L3MBTL4: variants seen among roughly 807,000 people sequenced by gnomAD.
The protein encoded by L3MBTL4 is L3MBTL histone methyl-lysine binding protein 4, also known as lethal(3)malignant brain tumor-like protein 4.
In L3MBTL4, 70 loss-of-function variants were observed where a neutral mutation model predicts 84.5. The observed-to-expected ratio is 0.83, with a 90% CI of 0.68 to 1.01. The LOEUF (loss-of-function observed/expected upper bound fraction) is 1.01. Among genes scored for constraint, L3MBTL4 ranks in the 50% least tolerant of loss-of-function variants. L3MBTL4 has a pLI of 0.00. For missense variants in L3MBTL4, 715 were observed against 754.8 expected (o/e 0.95, Z 0.62); for synonymous variants, 274 against 259.8 (o/e 1.05, Z -0.52).
chr18:6,113,374 T>C (rs1054514222), intron 14 of L3MBTL4, among the ~76,000 whole-genome samples: 1 of 150,412 alleles, frequency 6.6e-6, no homozygotes, highest in African/African-American at 2.4e-5. Flanking sequence ...AGAAGGCTTA[T>C]TCAAAATAGT....
chr18:6,242,066 C>T (rs529904746), intron 7 of L3MBTL4, among the ~76,000 whole-genome samples: 14 of 152,278 alleles, frequency 9.2e-5, no homozygotes, highest in Admixed American at 7.8e-4. Flanking sequence ...ACAGTGCTGG[C>T]CAAACAGTAC....
In L3MBTL4 at chr18:6,116,068, G is replaced by A. The variant is rs994377618; in HGVS notation, c.1199+22126C>T. On this transcript the variant is annotated intron_variant, in intron 14 of 18. Coordinates refer to ENST00000317931, the MANE Select transcript of L3MBTL4 (RefSeq NM_001330559.2). ...GAGCAAGAGAGAACAACAAGAGAAG[G>A]CAAGATCATAGAAAGCTGGACAGAG... 3.3e-5 allele frequency among the ~76,000 whole-genome samples: 5 copies of A among 152,314 alleles called. No homozygotes were observed. The South Asian group carries it at 8.3e-4, about 25-fold the overall frequency.
intron 16 of L3MBTL4, among the ~76,000 whole-genome samples, chr18:6,034,209 C>T (rs2055987790): frequency 6.6e-6 from 1 of 151,986 alleles, no homozygotes; most frequent in African/African-American, 2.4e-5. Flanking sequence ...AGGTTAGTTA[C>T]ATATGTATAC....
chr18:6,308,294 CA>C (rs2050681213), intron 3 of L3MBTL4, among the ~76,000 whole-genome samples: 1 of 152,098 alleles, frequency 6.6e-6, no homozygotes, highest in South Asian at 2.1e-4. Context: ...AAACATATAA[CA>C]AATCCCAAGG....
At chr18:6,099,662 G>T (rs1598744933) in intron 14 of L3MBTL4, among the ~76,000 whole-genome samples, 1 of 138,330 alleles carries the variant, frequency 7.2e-6, no homozygotes, top group Non-Finnish European at 1.6e-5. Flanking sequence ...TCAAATTCCT[G>T]TGGCTGTAAA....
At chr18:6,277,415 T>C (rs905357956) in intron 4 of L3MBTL4, among the ~76,000 whole-genome samples, 6 of 152,244 alleles carry the variant, frequency 3.9e-5, no homozygotes, top group African/African-American at 1.2e-4. Context: ...CCTCCTGAGC[T>C]GATTTACCAT....
intron 13 of L3MBTL4, among the ~76,000 whole-genome samples, chr18:6,157,181 A>G (rs930648274): frequency 6.6e-6 from 1 of 152,204 alleles, no homozygotes; most frequent in Non-Finnish European, 1.5e-5. Context: ...TATTAAGTCA[A>G]TGAGTACTTA....
chr18:6,126,351 T>C (rs1287326912), intron 14 of L3MBTL4, among the ~76,000 whole-genome samples: 1 of 152,194 alleles, frequency 6.6e-6, no homozygotes, highest in African/African-American at 2.4e-5. Flanking sequence ...TTGTTTATAT[T>C]TACTCTGATT....
intron 16 of L3MBTL4, among the ~76,000 whole-genome samples, chr18:6,055,964 A>C (rs1264709259): frequency 6.6e-6 from 1 of 152,150 alleles, no homozygotes; most frequent in Non-Finnish European, 1.5e-5. Flanking sequence ...ATCACTATGC[A>C]AGTGGCTATA....
chr18:6,081,864 T>C (rs955081494), intron 15 of L3MBTL4, among the ~76,000 whole-genome samples: 9 of 152,198 alleles, frequency 5.9e-5, no homozygotes, highest in Admixed American at 6.5e-5. Context: ...GTTCTATCAG[T>C]TAGAGATCTC....
chr18:6,408,115 A>T (rs1432307145), intron 1 of L3MBTL4, among the ~76,000 whole-genome samples: 1 of 152,218 alleles, frequency 6.6e-6, no homozygotes, highest in Non-Finnish European at 1.5e-5. Context: ...ACTGTGAAAA[A>T]AAATTCACAG....
intron 4 of L3MBTL4, among the ~76,000 whole-genome samples, chr18:6,267,393 A>G (rs923137722): frequency 2.6e-5 from 4 of 152,232 alleles, no homozygotes; most frequent in African/African-American, 7.2e-5. Flanking sequence ...CTCACAGTCC[A>G]TTGGCCCATT....
intron 16 of L3MBTL4, among the ~76,000 whole-genome samples, chr18:6,039,949 G>A (rs1404847343): frequency 1.3e-5 from 2 of 152,052 alleles, no homozygotes; most frequent in African/African-American, 4.8e-5. Context: ...TATGATTATC[G>A]AGAATGTCAG....
intron 18 of L3MBTL4, among the ~76,000 whole-genome samples, chr18:5,958,974 C>T (rs61425898): frequency 0.045 from 6,816 of 152,202 alleles, 496 homozygotes; most frequent in African/African-American, 0.15. Context: ...TATGTGTGAA[C>T]GTGGCCAACT....
At chr18:6,301,389 T>C (rs1372519567) in intron 4 of L3MBTL4, among the ~76,000 whole-genome samples, 10 of 152,232 alleles carry the variant, frequency 6.6e-5, no homozygotes, top group Non-Finnish European at 1.0e-4. Context: ...CGCATCTTCA[T>C]CTGTTGGTTT....
chr18:6,012,627 C>G (rs1166645074), intron 16 of L3MBTL4, among the ~76,000 whole-genome samples: 1 of 151,392 alleles, frequency 6.6e-6, no homozygotes, highest in Non-Finnish European at 1.5e-5. Context: ...GAGTTCAAGA[C>G]CAGCCTGGGC....
intron 15 of L3MBTL4, among the ~76,000 whole-genome samples, chr18:6,089,904 T>C (rs1372337351): frequency 6.6e-6 from 1 of 152,218 alleles, no homozygotes; most frequent in Non-Finnish European, 1.5e-5. Flanking sequence ...CTTACCAGCT[T>C]ACTATTTCCT....
At chr18:6,008,279 T>G (rs922749298) in intron 16 of L3MBTL4, among the ~76,000 whole-genome samples, 2 of 152,202 alleles carry the variant, frequency 1.3e-5, no homozygotes, top group African/African-American at 2.4e-5. Flanking sequence ...AGGAAGGCTG[T>G]GACCTCGGCC....
chr18:6,154,407 T>C (rs2043017102), intron 13 of L3MBTL4, among the ~76,000 whole-genome samples: 3 of 151,924 alleles, frequency 2.0e-5, no homozygotes, highest in African/African-American at 7.3e-5. Flanking sequence ...CAAATATATA[T>C]GAAAAAGGGG....
Sources: gnomAD v4.1 joint callset for allele counts (sites outside exome capture counted in the v4.1 genomes callset) on GRCh38, gnomAD v4.1.1 for gene constraint, MANE v1.5 for transcripts, NCBI Gene and HGNC (gene_info 2026-07-23, HGNC 2026-07-21) for gene names.